Variants in CENPQ observed in about 807,000 individuals in gnomAD.
The protein encoded by CENPQ is centromere protein Q.
In CENPQ, 27 loss-of-function variants were observed where a neutral mutation model predicts 36.6. That is an observed-to-expected ratio of 0.74 (90% CI 0.54 to 1.02). The LOEUF (loss-of-function observed/expected upper bound fraction) is 1.02. Among genes scored for constraint, CENPQ ranks in the 50% least tolerant of loss-of-function variants. CENPQ has a pLI of 0.00. For missense variants in CENPQ, 306 were observed against 301.8 expected (o/e 1.01, Z -0.10); for synonymous variants, 101 against 101.7 (o/e 0.99, Z 0.04).
chr6:49,471,006 T>C lies in CENPQ; in HGVS notation c.135T>C (p.His45=), dbSNP rs777782212. Residue 45 remains histidine, a synonymous_variant, in exon 3 of 9, where the codon CAT becomes CAC. Coordinates refer to ENST00000335783, the MANE Select transcript of CENPQ (RefSeq NM_018132.4). ...ACACAGTGAAAAAAAATAAAAATCA[T>C]CTGAAAGATCTGTCTTCTGAAGGTA... ...VRNTVKKNKN[H]LKDLSSEGQT... The C allele has an allele frequency of 6.5e-6, 10 of 1,530,852 alleles. No homozygotes were observed. Among genetic ancestry groups the C allele is most frequent in the Non-Finnish European group, 7.9e-6 (9 of 1,132,542 alleles). 94.8% of individuals were successfully genotyped at this position (1,530,852 alleles called of 1,614,324 possible).
chr6:49,482,188 C>T (rs1768450991), intron 6 of CENPQ, among the ~76,000 whole-genome samples: 1 of 152,192 alleles, frequency 6.6e-6, no homozygotes, highest in South Asian at 2.1e-4. Flanking sequence ...AGCCCCGGTT[C>T]CCGCTCGCAC....
intron 6 of CENPQ, among the ~76,000 whole-genome samples, chr6:49,487,765 A>G (rs1768626369): frequency 1.3e-5 from 2 of 152,182 alleles, no homozygotes; most frequent in South Asian, 4.1e-4. Flanking sequence ...CACACAACAC[A>G]TCCTTGATGT....
At chr6:49,464,920 C>T (rs1212311854) in intron 1 of CENPQ, among the ~76,000 whole-genome samples, 3 of 152,196 alleles carry the variant, frequency 2.0e-5, no homozygotes, top group Admixed American at 1.3e-4. Flanking sequence ...GACCTCCTCC[C>T]GTGAATCATG....
intron 1 of CENPQ, among the ~76,000 whole-genome samples, chr6:49,465,849 CTTTCTTATCA>C (rs1228841112): frequency 1.3e-5 from 2 of 152,216 alleles, no homozygotes; most frequent in African/African-American, 4.8e-5. Context: ...GCTGTTTTTG[CTTTCTTATCA>C]TTCATGTCTT....
chr6:49,490,393 A>G (rs921362497), intron 8 of CENPQ, among the ~76,000 whole-genome samples: 26 of 152,222 alleles, frequency 1.7e-4, no homozygotes, highest in Non-Finnish European at 3.2e-4. Flanking sequence ...CATAGACTTG[A>G]AAACAGTTAG....
intron 1 of CENPQ, among the ~76,000 whole-genome samples, chr6:49,466,247 A>G (rs1207490048): frequency 5.3e-5 from 8 of 152,226 alleles, no homozygotes; most frequent in Non-Finnish European, 1.5e-5. Context: ...ACAGAGTAAC[A>G]TCAATCACCA....
chr6:49,470,714 G>A (rs1768111577), intron 2 of CENPQ, among the ~76,000 whole-genome samples: 1 of 150,750 alleles, frequency 6.6e-6, no homozygotes, highest in Non-Finnish European at 1.5e-5. Context: ...CTTAGGCAAA[G>A]TGAGTAATAA....
intron 6 of CENPQ, among the ~76,000 whole-genome samples, chr6:49,481,832 T>C (rs932517625): frequency 1.3e-4 from 18 of 139,614 alleles, no homozygotes; most frequent in African/African-American, 4.6e-4. Context: ...CCAGCACTCC[T>C]CAGCCCTTGG....
intron 1 of CENPQ, among the ~76,000 whole-genome samples, chr6:49,467,000 C>T (rs531355200): frequency 3.3e-5 from 5 of 152,236 alleles, no homozygotes; most frequent in Non-Finnish European, 7.4e-5. Flanking sequence ...TTTTGATTGG[C>T]TCTACTCAGG....
At chr6:49,478,663 G>A (rs1768358242) in intron 5 of CENPQ, among the ~76,000 whole-genome samples, 1 of 152,112 alleles carries the variant, frequency 6.6e-6, no homozygotes. Flanking sequence ...GATTTGCTGA[G>A]CTTAGGTGAT....
At chr6:49,472,942 G>A (rs2127424456) in intron 5 of CENPQ, 84 bp downstream of exon 5, 2 of 1,000,270 alleles carry the variant, frequency 2.0e-6, no homozygotes, top group Non-Finnish European at 2.6e-6. Context: ...AGACACTTGT[G>A]GAATGTAAGT....
intron 6 of CENPQ, among the ~76,000 whole-genome samples, chr6:49,481,472 G>GT (rs749857228): frequency 6.6e-6 from 1 of 152,132 alleles, no homozygotes; most frequent in Non-Finnish European, 1.5e-5. Flanking sequence ...TTCGCGGTGA[G>GT]TGTTACAGCT....
chr6:49,473,212 A>G (rs1217636971), intron 5 of CENPQ, among the ~76,000 whole-genome samples: 1 of 152,112 alleles, frequency 6.6e-6, no homozygotes, highest in Non-Finnish European at 1.5e-5. Context: ...TATTTACCCT[A>G]TTGCTGTGTT....
chr6:49,489,053 A>G (rs1188158646), intron 8 of CENPQ, among the ~76,000 whole-genome samples: 1 of 152,104 alleles, frequency 6.6e-6, no homozygotes, highest in African/African-American at 2.4e-5. Context: ...GCATGTGGCA[A>G]TTTCTTAAAA....
intron 1 of CENPQ, among the ~76,000 whole-genome samples, chr6:49,466,839 G>A (rs934790549): frequency 6.6e-6 from 1 of 152,014 alleles, no homozygotes; most frequent in African/African-American, 2.4e-5. Flanking sequence ...TAATTTACTG[G>A]CCCAAAGATA....
chr6:49,487,793 T>C, intron 6 of CENPQ, among the ~76,000 whole-genome samples: 1 of 152,108 alleles, frequency 6.6e-6, no homozygotes, highest in Non-Finnish European at 1.5e-5. Context: ...CCATACTTGT[T>C]TTATTCATTT....
At chr6:49,471,684 G>A (rs755516463) in intron 3 of CENPQ, among the ~76,000 whole-genome samples, 1 of 152,008 alleles carries the variant, frequency 6.6e-6, no homozygotes, top group Non-Finnish European at 1.5e-5. Flanking sequence ...TCTATTTGTG[G>A]TTTGATTAGT....
In CENPQ at chr6:49,470,295, G is replaced by T. The variant is rs773299934; in HGVS notation, c.102+17G>T. ...GAGAATAAGGTAATGAAAATATCAA[G>T]TTTCTCATTTAGAAATCTTCAACTG... On this transcript the variant is annotated intron_variant, in intron 2 of 8. Coordinates refer to ENST00000335783, the MANE Select transcript of CENPQ (RefSeq NM_018132.4). 1 of 1,490,372 alleles carries T rather than the reference G, an allele frequency of 6.7e-7. No homozygotes were observed. The highest frequency in any genetic ancestry group is 2.3e-5 in the East Asian group (1 of 43,994). 92.3% of individuals were successfully genotyped at this position (1,490,372 alleles called of 1,614,324 possible).
intron 5 of CENPQ, among the ~76,000 whole-genome samples, chr6:49,475,517 A>G (rs1768264737): frequency 6.6e-6 from 1 of 152,210 alleles, no homozygotes; most frequent in South Asian, 2.1e-4. Context: ...CTGGCACAAG[A>G]CAGGGATGCC....
Sources: gnomAD v4.1 joint callset for allele counts (sites outside exome capture counted in the v4.1 genomes callset) on GRCh38, gnomAD v4.1.1 for gene constraint, MANE v1.5 for transcripts, NCBI Gene and HGNC (gene_info 2026-07-23, HGNC 2026-07-21) for gene names.